NSMCE2: variants seen among roughly 807,000 people sequenced by gnomAD.
The protein encoded by NSMCE2 is NSE2 SUMO ligase component of SMC5/6 complex, also known as E3 SUMO-protein ligase NSE2.
NSMCE2 carries 24 observed loss-of-function variants against 23.8 expected under a neutral mutation model. That is an observed-to-expected ratio of 1.01 (90% CI 0.73 to 1.42). NSMCE2 has a LOEUF of 1.42. Among genes scored for constraint, NSMCE2 ranks in the 40% most tolerant of loss-of-function variants. The pLI, the probability that NSMCE2 is intolerant of heterozygous loss-of-function variation, is 0.00. For missense variants in NSMCE2, 284 were observed against 296.5 expected (o/e 0.96, Z 0.31); for synonymous variants, 92 against 94.1 (o/e 0.98, Z 0.13).
chr8:125,150,513 A>G, intron 3 of NSMCE2, among the ~76,000 whole-genome samples: 1 of 134,052 alleles, frequency 7.5e-6, no homozygotes, highest in East Asian at 2.2e-4. Context: ...AGCTCACTGC[A>G]ACCTTCATGT....
intron 4 of NSMCE2, among the ~76,000 whole-genome samples, chr8:125,172,971 A>G (rs554660599): frequency 2.6e-5 from 4 of 152,158 alleles, no homozygotes; most frequent in Non-Finnish European, 5.9e-5. Context: ...GGTCCTGCCT[A>G]TATGGAGTTA....
chr8:125,317,278 G>A (rs1277742653), intron 5 of NSMCE2, among the ~76,000 whole-genome samples: 1 of 151,752 alleles, frequency 6.6e-6, no homozygotes, highest in East Asian at 1.9e-4. Flanking sequence ...GCTCACTGCA[G>A]CCTCAACCTC....
chr8:125,181,906 A>G (rs899973199), intron 4 of NSMCE2, among the ~76,000 whole-genome samples, 197 bp from the exon 5 acceptor site: 4 of 152,176 alleles, frequency 2.6e-5, no homozygotes, highest in African/African-American at 9.7e-5. Flanking sequence ...AGTAGTTGGC[A>G]TGAATGAGTC....
At chr8:125,277,716 G>C (rs147063407) in intron 5 of NSMCE2, among the ~76,000 whole-genome samples, 2,158 of 152,178 alleles carry the variant, frequency 0.014, 50 homozygotes, top group African/African-American at 0.05. Flanking sequence ...GGGTTTCACT[G>C]TGTTAGCCAG....
intron 5 of NSMCE2, among the ~76,000 whole-genome samples, chr8:125,292,071 A>G (rs1563766844): frequency 6.6e-6 from 1 of 152,054 alleles, no homozygotes; most frequent in Non-Finnish European, 1.5e-5. Context: ...CTCTCATTTC[A>G]TTAGCCAGGA....
intron 5 of NSMCE2, among the ~76,000 whole-genome samples, chr8:125,218,391 T>C (rs1043673809): frequency 3.3e-5 from 5 of 150,944 alleles, no homozygotes; most frequent in African/African-American, 1.2e-4. Flanking sequence ...GGGATAAAAA[T>C]AGCATATTCT....
chr8:125,161,069 C>G (rs1231018335), intron 4 of NSMCE2, among the ~76,000 whole-genome samples: 2 of 151,912 alleles, frequency 1.3e-5, no homozygotes, highest in Non-Finnish European at 1.5e-5. Context: ...TTTTTCAAGC[C>G]CCTGTGTGAG....
intron 5 of NSMCE2, among the ~76,000 whole-genome samples, chr8:125,274,071 A>T (rs938037936): frequency 5.9e-5 from 9 of 152,202 alleles, no homozygotes; most frequent in African/African-American, 1.9e-4. Context: ...TCATCCTCAG[A>T]GGACTTCAGA....
intron 5 of NSMCE2, among the ~76,000 whole-genome samples, chr8:125,257,842 C>G (rs1484448526): frequency 1.3e-5 from 2 of 152,038 alleles, no homozygotes; most frequent in Non-Finnish European, 2.9e-5. Flanking sequence ...CCAGACAAAA[C>G]CAAATGTCAA....
intron 5 of NSMCE2, among the ~76,000 whole-genome samples, chr8:125,279,342 C>T (rs1827606003): frequency 6.6e-6 from 1 of 152,106 alleles, no homozygotes; most frequent in African/African-American, 2.4e-5. Flanking sequence ...TTCCATGCCA[C>T]TCAGAAAAGT....
chr8:125,364,234 G>A (rs907435063), intron 7 of NSMCE2, among the ~76,000 whole-genome samples: 7 of 152,064 alleles, frequency 4.6e-5, no homozygotes, highest in South Asian at 2.1e-4. Context: ...GTGAGCCACC[G>A]TGCCTGGCCA....
chr8:125,291,091 G>A (rs551597566), intron 5 of NSMCE2, among the ~76,000 whole-genome samples: 3 of 152,170 alleles, frequency 2.0e-5, no homozygotes, highest in African/African-American at 7.2e-5. Context: ...AGATGTAATT[G>A]TGGTAAATAT....
rs1411405177 is a variant in NSMCE2 at position 125,272,017 on chromosome 8, T to TC, written c.419-85202_419-85201insC. Among the ~76,000 whole-genome samples, 19 of 147,808 alleles carry TC rather than the reference T, an allele frequency of 1.3e-4. 1 individual carries two copies. Among genetic ancestry groups the TC allele is most frequent in the South Asian group, 6.5e-4 (3 of 4,644 alleles). ...ATATTGAATCTGCAGTTTCTTTCTT[T>TC]TTTTTTTTTTTTTTGAGACGGAGTC... On this transcript the variant is annotated intron_variant, in intron 5 of 7. Coordinates refer to ENST00000287437, the MANE Select transcript of NSMCE2 (RefSeq NM_173685.4).
chr8:125,243,986 A>C (rs891817699), intron 5 of NSMCE2, among the ~76,000 whole-genome samples: 2 of 152,194 alleles, frequency 1.3e-5, no homozygotes, highest in Non-Finnish European at 2.9e-5. Context: ...CCACATAAGT[A>C]ATTAGTCAGA....
At chr8:125,153,913 T>C (rs1406417435) in intron 4 of NSMCE2, among the ~76,000 whole-genome samples, 1 of 152,188 alleles carries the variant, frequency 6.6e-6, no homozygotes, top group Non-Finnish European at 1.5e-5. Flanking sequence ...TATTTCAGGG[T>C]ATTTTTTTGG....
intron 5 of NSMCE2, among the ~76,000 whole-genome samples, chr8:125,287,989 A>G (rs961253093): frequency 2.0e-5 from 3 of 151,856 alleles, no homozygotes; most frequent in Middle Eastern, 6.8e-3. Flanking sequence ...ACTTTTTAGG[A>G]TTATCTCTGT....
chr8:125,201,017 A>G (rs1443704450), intron 5 of NSMCE2, among the ~76,000 whole-genome samples: 3 of 152,140 alleles, frequency 2.0e-5, no homozygotes, highest in East Asian at 1.9e-4. Flanking sequence ...TTTCAGCTCT[A>G]TCAATTCATT....
chr8:125,139,985 A>C (rs1239703407), intron 3 of NSMCE2, among the ~76,000 whole-genome samples: 1 of 152,128 alleles, frequency 6.6e-6, no homozygotes, highest in Non-Finnish European at 1.5e-5. Flanking sequence ...AAGTATTTGA[A>C]TTTCTGTAGT....
chr8:125,200,189 G>A (rs966258629), intron 5 of NSMCE2, among the ~76,000 whole-genome samples: 14 of 152,132 alleles, frequency 9.2e-5, no homozygotes, highest in African/African-American at 3.1e-4. Context: ...GGTTAATATT[G>A]TTATGTTTGG....
Sources: gnomAD v4.1 joint callset for allele counts (sites outside exome capture counted in the v4.1 genomes callset) on GRCh38, gnomAD v4.1.1 for gene constraint, MANE v1.5 for transcripts, NCBI Gene and HGNC (gene_info 2026-07-23, HGNC 2026-07-21) for gene names.